Variants in NEDD4 observed in about 807,000 individuals in gnomAD.
The protein encoded by NEDD4 is E3 ubiquitin-protein ligase NEDD4.
NEDD4 carries 99 observed loss-of-function variants against 144.9 expected under a neutral mutation model. That is an observed-to-expected ratio of 0.68 (90% CI 0.58 to 0.81). NEDD4 has a LOEUF of 0.81. Among genes scored for constraint, NEDD4 ranks in the 30% least tolerant of loss-of-function variants. NEDD4 has a pLI of 0.00. For missense variants in NEDD4, 985 were observed against 1,065.9 expected, an observed-to-expected ratio of 0.92 and a Z score of 1.06; for synonymous variants, 318 against 350.6, an observed-to-expected ratio of 0.91 and a Z score of 1.04.
At chr15:55,880,294 A>T (rs1595788879) in intron 5 of NEDD4, among the ~76,000 whole-genome samples, 1 of 151,942 alleles carries the variant, frequency 6.6e-6, no homozygotes, top group South Asian at 2.1e-4. Context: ...CCCGTCTCCA[A>T]AAAAAAAGAA....
chr15:55,900,632 A>G (rs927409391), intron 5 of NEDD4, among the ~76,000 whole-genome samples: 5 of 152,206 alleles, frequency 3.3e-5, no homozygotes, highest in Admixed American at 6.5e-5. Flanking sequence ...AGAGATAGCT[A>G]TAAGAGAGCT....
At chr15:55,835,073 AAAACAAAC>A (rs1209644476) in intron 24 of NEDD4, among the ~76,000 whole-genome samples, 1 of 152,148 alleles carries the variant, frequency 6.6e-6, no homozygotes, top group Non-Finnish European at 1.5e-5. Context: ...AAAACAAAGC[AAAACAAAC>A]AAACAAACAA....
chr15:55,854,668 G>T (rs1595752915), intron 12 of NEDD4, among the ~76,000 whole-genome samples: 1 of 152,218 alleles, frequency 6.6e-6, no homozygotes, highest in Non-Finnish European at 1.5e-5. Flanking sequence ...TCTTAAACTT[G>T]ATTGTGGTGA....
At chr15:55,891,547 T>C (rs915601698) in intron 5 of NEDD4, among the ~76,000 whole-genome samples, 1 of 152,226 alleles carries the variant, frequency 6.6e-6, no homozygotes, top group African/African-American at 2.4e-5. Context: ...TTGAACTGCA[T>C]GCAGCCTACT....
chr15:55,844,124 G>A (rs1220708497), intron 18 of NEDD4, among the ~76,000 whole-genome samples: 4 of 151,974 alleles, frequency 2.6e-5, no homozygotes, highest in East Asian at 1.9e-4. Flanking sequence ...AGGGAAGGAC[G>A]GAGGAACAGC....
intron 17 of NEDD4, among the ~76,000 whole-genome samples, chr15:55,847,528 TA>T (rs2033798027): frequency 6.6e-6 from 1 of 152,110 alleles, no homozygotes. Context: ...AAAATCTGAA[TA>T]AAATGGAAAA....
At chr15:55,833,976 T>C (rs1304011064) in intron 26 of NEDD4, 62 bp downstream of exon 26, 1 of 1,184,104 alleles carries the variant, frequency 8.4e-7, no homozygotes, top group East Asian at 2.3e-5. Context: ...TAATCAAGAG[T>C]TGACTTAAAT....
chr15:55,949,309 T>G (rs2037185634), intron 4 of NEDD4, among the ~76,000 whole-genome samples: 2 of 152,136 alleles, frequency 1.3e-5, no homozygotes, highest in Admixed American at 1.3e-4. Context: ...CAACAGGAGC[T>G]GGAGAGGATG....
chr15:55,989,506 C>T (rs1462856521), intron 1 of NEDD4, among the ~76,000 whole-genome samples: 2 of 152,152 alleles, frequency 1.3e-5, no homozygotes, highest in African/African-American at 4.8e-5. Flanking sequence ...TTCTGCTCAG[C>T]CTTAGTGGGT....
intron 14 of NEDD4, among the ~76,000 whole-genome samples, chr15:55,849,910 A>C: frequency 6.6e-6 from 1 of 151,428 alleles, no homozygotes. Context: ...CTCTAGCCTC[A>C]GCCTCCTGAA....
intron 5 of NEDD4, among the ~76,000 whole-genome samples, chr15:55,889,393 A>G (rs1387723756): frequency 6.6e-6 from 1 of 152,232 alleles, no homozygotes; most frequent in Non-Finnish European, 1.5e-5. Context: ...ATCCAGCCAT[A>G]AAAGGAATGA....
rs1335859890 is a variant in NEDD4 at position 55,828,492 on chromosome 15, G to C, written c.*1405C>G. On this transcript the variant is annotated 3_prime_UTR_variant, in exon 29 of 29. Transcript: ENST00000435532. ...ATCTTTGCAGGTGTGCTGGAACCTA[G>C]AACACTTTCCCTTTTGCCTTATTCT... 1.3e-5 allele frequency: 2 copies of C among 152,170 alleles called. No individual in the cohort carries two copies. Among genetic ancestry groups the C allele is most frequent in the African/African-American group, 4.8e-5 (2 of 41,438 alleles). 9.4% of individuals were successfully genotyped at this position (152,170 alleles called of 1,614,324 possible).
At chr15:55,897,710 G>A (rs1292673187) in intron 5 of NEDD4, among the ~76,000 whole-genome samples, 1 of 152,186 alleles carries the variant, frequency 6.6e-6, no homozygotes, top group African/African-American at 2.4e-5. Context: ...CCCTGCCCAT[G>A]TGTCCTCCTG....
intron 5 of NEDD4, chr15:55,915,749 G>T (rs757511660): frequency 6.2e-7 from 1 of 1,613,800 alleles, no homozygotes; most frequent in Admixed American, 1.7e-5. Context: ...CAGTCTGTCT[G>T]GGAGTATTAT....
rs1199781753 is a variant in NEDD4, at chr15:55,829,615, A to G, written c.*282T>C. ...ACTATTTAAGTCATACAGGACTTAT[A>G]TCCTATTGTGTGAACTCTAAAGCCA... On this transcript the variant is annotated 3_prime_UTR_variant, in exon 29 of 29. Coordinates refer to ENST00000435532, the MANE Select transcript of NEDD4 (RefSeq NM_006154.4). 3.4e-5 allele frequency: 10 copies of G among 298,392 alleles called. No homozygotes were observed. The South Asian group carries it at 4.5e-4, about 13-fold the overall frequency. The allele number at this position is 298,392 out of a possible 1,614,324, so 18.5% of individuals were successfully genotyped here.
At chr15:55,906,102 G>C (rs2036083171) in intron 5 of NEDD4, among the ~76,000 whole-genome samples, 2 of 152,144 alleles carry the variant, frequency 1.3e-5, no homozygotes, top group African/African-American at 4.8e-5. Flanking sequence ...ACACCAGTTA[G>C]AATGGCGATC....
intron 1 of NEDD4, among the ~76,000 whole-genome samples, chr15:55,979,050 A>C (rs60414633): frequency 0.14 from 20,467 of 151,474 alleles, 1,522 homozygotes; most frequent in East Asian, 0.32. Flanking sequence ...CCCCCACCCT[A>C]GTAAGTCTAT....
intron 5 of NEDD4, among the ~76,000 whole-genome samples, chr15:55,901,258 T>C (rs188123850): frequency 2.0e-5 from 3 of 152,296 alleles, no homozygotes; most frequent in Admixed American, 2.0e-4. Flanking sequence ...GAAAAAAGTC[T>C]ACAATTTTAT....
At chr15:55,992,606 C>A (rs2038005799) in intron 1 of NEDD4, among the ~76,000 whole-genome samples, 1 of 152,184 alleles carries the variant, frequency 6.6e-6, no homozygotes, top group African/African-American at 2.4e-5. Flanking sequence ...CACTGTTAGA[C>A]TACATGCAGC....
Sources: gnomAD v4.1 joint callset for allele counts (sites outside exome capture counted in the v4.1 genomes callset) on GRCh38, gnomAD v4.1.1 for gene constraint, MANE v1.5 for transcripts, NCBI Gene and HGNC (gene_info 2026-07-23, HGNC 2026-07-21) for gene names.